BAIAP2L1: variants seen among roughly 807,000 people sequenced by gnomAD.
BAIAP2L1 encodes the protein BAR/IMD domain containing adaptor protein 2 like 1.
Under a neutral mutation model 66.3 loss-of-function variants are expected in BAIAP2L1, and 35 were observed. The ratio of observed to expected loss-of-function variants is 0.53; its 90% CI spans 0.40 to 0.70. BAIAP2L1 has a LOEUF of 0.70. Among genes scored for constraint, BAIAP2L1 ranks in the 30% least tolerant of loss-of-function variants. The probability of loss-of-function intolerance (pLI) is 0.00; values close to 1 mark genes in which losing one functional copy is unlikely to be tolerated. For missense variants in BAIAP2L1, 622 were observed against 656.9 expected (o/e 0.95, Z 0.58); for synonymous variants, 269 against 248.7 (o/e 1.08, Z -0.77).
In BAIAP2L1 at chr7:98,307,800, G is replaced by C. The variant is rs1455180678; in HGVS notation, c.1052C>G (p.Thr351Ser). The change falls in exon 10 of 14, where the codon ACT (threonine) becomes AGT (serine). Residue 351 changes from threonine (T) to serine (S), a missense_variant. Transcript: ENST00000005260. ...KQKVKTIFPH[T>S]AGSNKTLLSF... ...GAGTAAGGTCTTGTTGGAGCCCGCA[G>C]TGTGCGGGAAGATGGTCTTCACTTT... 1.2e-6 allele frequency: 2 copies of C among 1,614,130 alleles called. No individual in the cohort carries two copies. The highest frequency in any genetic ancestry group is 1.7e-5 in the Admixed American group (1 of 60,012).
chr7:98,360,135 C>G (rs1438387068), intron 2 of BAIAP2L1, among the ~76,000 whole-genome samples: 1 of 152,120 alleles, frequency 6.6e-6, no homozygotes, highest in East Asian at 1.9e-4. Context: ...TTTGGCCAGG[C>G]TGGTTTCGAA....
chr7:98,344,545 T>C (rs2115649668), intron 3 of BAIAP2L1, among the ~76,000 whole-genome samples: 1 of 152,314 alleles, frequency 6.6e-6, no homozygotes, highest in East Asian at 1.9e-4. Context: ...AAAATGTAGG[T>C]CTGACAGATT....
chr7:98,386,997 C>T (rs974760713), intron 1 of BAIAP2L1, among the ~76,000 whole-genome samples: 1 of 152,122 alleles, frequency 6.6e-6, no homozygotes, highest in East Asian at 1.9e-4. Flanking sequence ...CCGTGCCTGG[C>T]CTTCCAAAGA....
At chr7:98,340,568 T>TG (rs1240970841) in intron 3 of BAIAP2L1, among the ~76,000 whole-genome samples, 1 of 152,146 alleles carries the variant, frequency 6.6e-6, no homozygotes, top group Non-Finnish European at 1.5e-5. Flanking sequence ...ATTACAGGCA[T>TG]GAGCCACCAC....
At chr7:98,313,998 T>A (rs1800982275) in intron 7 of BAIAP2L1, among the ~76,000 whole-genome samples, 1 of 147,130 alleles carries the variant, frequency 6.8e-6, no homozygotes, top group African/African-American at 2.5e-5. Flanking sequence ...TTTTTTTTTT[T>A]TTTTTGAGAC....
intron 3 of BAIAP2L1, among the ~76,000 whole-genome samples, chr7:98,339,576 G>A (rs961661328): frequency 9.8e-5 from 15 of 152,298 alleles, no homozygotes; most frequent in African/African-American, 3.4e-4. Flanking sequence ...TGGTGTGCCC[G>A]GGAATGCGGC....
intron 3 of BAIAP2L1, among the ~76,000 whole-genome samples, chr7:98,352,238 G>C (rs960292064): frequency 1.3e-5 from 2 of 152,104 alleles, no homozygotes; most frequent in East Asian, 3.8e-4. Context: ...GGAATTGTTC[G>C]AAACGAGAAG....
chr7:98,366,731 T>C lies in BAIAP2L1; in HGVS notation c.52-4299A>G, dbSNP rs1286675067. On this transcript the variant is annotated intron_variant, in intron 1 of 13. Transcript: ENST00000005260. ...GTATCACTAGACGCAGTCAGGTGCTTGGCACCTACGCGCAACCAGTGGCCA... is the reference window on the plus strand; with the variant it reads ...GTATCACTAGACGCAGTCAGGTGCTCGGCACCTACGCGCAACCAGTGGCCA... Among the ~76,000 whole-genome samples, 4 of 152,224 alleles carry C rather than the reference T, an allele frequency of 2.6e-5. No homozygotes were observed. In the East Asian group the frequency reaches 5.8e-4, roughly 22 times the overall value.
intron 1 of BAIAP2L1, among the ~76,000 whole-genome samples, chr7:98,393,028 C>CAT (rs1269596204): frequency 2.2e-4 from 24 of 107,170 alleles, no homozygotes; most frequent in Admixed American, 1.2e-3. Flanking sequence ...TACATACACA[C>CAT]ATATATATAC....
intron 12 of BAIAP2L1, among the ~76,000 whole-genome samples, chr7:98,299,410 G>A (rs73147342): frequency 6.6e-6 from 1 of 151,904 alleles, no homozygotes; most frequent in African/African-American, 2.4e-5. Context: ...CTCCCGCCTC[G>A]GCCTCCCAAA....
rs1584515834 is a variant in BAIAP2L1, at chr7:98,401,055, G to A, written c.-203C>T. ...CGGCAGCGCCGCCCTGGCCTTCTTC[G>A]AGGAGCAGAGGAGAAGCGGCCGGAC... On this transcript the variant is annotated 5_prime_UTR_variant, in exon 1 of 14. Transcript: ENST00000005260. 2.9e-5 allele frequency: 12 copies of A among 408,072 alleles called. No individual in the cohort carries two copies. The highest frequency in any genetic ancestry group is 2.3e-4 in the South Asian group (3 of 13,294). The allele number at this position is 408,072 out of a possible 1,614,324, so 25.3% of individuals were successfully genotyped here.
At chr7:98,351,474 G>C (rs1168288403) in intron 3 of BAIAP2L1, among the ~76,000 whole-genome samples, 1 of 152,090 alleles carries the variant, frequency 6.6e-6, no homozygotes, top group Non-Finnish European at 1.5e-5. Context: ...GATCTAAATT[G>C]GGCCGTGGGG....
At chr7:98,356,665 TAAAAAAAAA>T (rs35660519) in intron 2 of BAIAP2L1, among the ~76,000 whole-genome samples, 1 of 106,780 alleles carries the variant, frequency 9.4e-6, no homozygotes, top group Non-Finnish European at 1.8e-5. Context: ...CCTGGCTAAT[TAAAAAAAAA>T]AAAAAAAAAA....
intron 11 of BAIAP2L1, among the ~76,000 whole-genome samples, chr7:98,305,439 C>A (rs1051536617): frequency 1.3e-5 from 2 of 152,130 alleles, no homozygotes; most frequent in African/African-American, 4.8e-5. Context: ...TTGCAGACAG[C>A]ATCAGACCCT....
intron 1 of BAIAP2L1, among the ~76,000 whole-genome samples, chr7:98,387,870 AAAC>A (rs1162341426): frequency 4.3e-5 from 6 of 140,952 alleles, no homozygotes; most frequent in Non-Finnish European, 7.8e-5. Flanking sequence ...CCCTGTCTCA[AAAC>A]AAAACAAAAC....
Position 98,349,786 on chromosome 7 carries a change from TTTTG to T in BAIAP2L1, c.214+5252_214+5255del, listed in dbSNP as rs899535201. Among the ~76,000 whole-genome samples the T allele has an allele frequency of 1.0e-3, 155 of 150,978 alleles. 2 individuals carry two copies. Among genetic ancestry groups the T allele is most frequent in the African/African-American group, 3.3e-3 (136 of 41,158 alleles). ...GCACTTTGGGAGGCCGATGGGAAGTTTTTGTTTGTTTGTTTGTTTTCTGACATGG... is the reference window on the plus strand; with the variant it reads ...GCACTTTGGGAGGCCGATGGGAAGTTTTTGTTTGTTTGTTTTCTGACATGG... On this transcript the variant is annotated intron_variant, in intron 3 of 13. Transcript: ENST00000005260.
chr7:98,303,012 T>C (rs944665025), intron 12 of BAIAP2L1, among the ~76,000 whole-genome samples: 4 of 152,190 alleles, frequency 2.6e-5, no homozygotes, highest in Non-Finnish European at 2.9e-5. Context: ...CTAAAACTCC[T>C]GGGCTCAAGT....
intron 2 of BAIAP2L1, among the ~76,000 whole-genome samples, chr7:98,357,595 T>TTA (rs1332489103): frequency 2.9e-4 from 44 of 149,832 alleles, no homozygotes; most frequent in African/African-American, 7.8e-4. Flanking sequence ...ACATATATAT[T>TTA]TATATATATA....
intron 3 of BAIAP2L1, among the ~76,000 whole-genome samples, chr7:98,343,592 G>A (rs978247037): frequency 2.0e-5 from 3 of 152,188 alleles, no homozygotes; most frequent in African/African-American, 7.2e-5. Context: ...AGTATCCCAT[G>A]CTACTGTGGT....
Sources: gnomAD v4.1 joint callset for allele counts (sites outside exome capture counted in the v4.1 genomes callset) on GRCh38, gnomAD v4.1.1 for gene constraint, MANE v1.5 for transcripts, NCBI Gene and HGNC (gene_info 2026-07-23, HGNC 2026-07-21) for gene names.